Variants in ASIC2 observed in about 807,000 individuals in gnomAD.
ASIC2 encodes acid-sensing ion channel 2.
Under a neutral mutation model 57.3 loss-of-function variants are expected in ASIC2, and 25 were observed. That is an observed-to-expected ratio of 0.44 (90% CI 0.32 to 0.61). The LOEUF is 0.61. Ranked by LOEUF, ASIC2 falls within the 20% of genes least tolerant of loss-of-function variation. The probability of loss-of-function intolerance (pLI) is 0.06; values close to 1 mark genes in which losing one functional copy is unlikely to be tolerated. For synonymous variants in ASIC2, 319 were observed against 307.5 expected, an observed-to-expected ratio of 1.04 and a Z score of -0.39; for missense variants, 641 against 738.1, an observed-to-expected ratio of 0.87 and a Z score of 1.52.
chr17:33,681,694 C>G (rs1908005900), intron 1 of ASIC2, among the ~76,000 whole-genome samples: 2 of 152,226 alleles, frequency 1.3e-5, no homozygotes, highest in African/African-American at 4.8e-5. Flanking sequence ...AATTTTCCTT[C>G]ACCTGGTCGG....
At chr17:34,026,472 G>A (rs1360524466) in intron 1 of ASIC2, among the ~76,000 whole-genome samples, 1 of 152,138 alleles carries the variant, frequency 6.6e-6, no homozygotes, top group Non-Finnish European at 1.5e-5. Context: ...TAAAGTGACT[G>A]CACCATAACC....
At chr17:33,776,882 A>G (rs551172115) in intron 1 of ASIC2, among the ~76,000 whole-genome samples, 1 of 152,370 alleles carries the variant, frequency 6.6e-6, no homozygotes, top group Admixed American at 6.5e-5. Flanking sequence ...AACAATGGCC[A>G]TTGCCACTGG....
intron 1 of ASIC2, among the ~76,000 whole-genome samples, chr17:33,424,426 G>C (rs769946269): frequency 1.5e-4 from 23 of 152,124 alleles, no homozygotes; most frequent in Non-Finnish European, 2.9e-4. Flanking sequence ...GGGAGTCCGG[G>C]GAAAGCAGCT....
intron 1 of ASIC2, among the ~76,000 whole-genome samples, chr17:33,578,207 T>C (rs1200134124): frequency 1.3e-5 from 2 of 152,146 alleles, no homozygotes; most frequent in African/African-American, 4.8e-5. Flanking sequence ...ATCTCTGATT[T>C]TAGGAATGAT....
At chr17:33,559,522 T>G (rs192708625) in intron 1 of ASIC2, among the ~76,000 whole-genome samples, 3 of 152,346 alleles carry the variant, frequency 2.0e-5, no homozygotes, top group African/African-American at 7.2e-5. Context: ...CCATTGCCAT[T>G]GCCAGAAAGC....
chr17:33,452,364 T>C (rs1156924146), intron 1 of ASIC2, among the ~76,000 whole-genome samples: 1 of 152,258 alleles, frequency 6.6e-6, no homozygotes, highest in Admixed American at 6.5e-5. Flanking sequence ...TTAAATCAGA[T>C]AGCTTTGGCT....
chr17:33,239,382 T>A (rs915281920), intron 1 of ASIC2, among the ~76,000 whole-genome samples: 4 of 152,170 alleles, frequency 2.6e-5, no homozygotes, highest in African/African-American at 9.7e-5. Context: ...CCTGCTCCCA[T>A]TTCCTGCGTT....
At chr17:33,649,329 C>G (rs953435696) in intron 1 of ASIC2, among the ~76,000 whole-genome samples, 4 of 152,092 alleles carry the variant, frequency 2.6e-5, no homozygotes, top group Non-Finnish European at 5.9e-5. Flanking sequence ...AAAATAATTA[C>G]AATCTAAATA....
rs1158032703 is a variant in ASIC2 at position 33,545,815 on chromosome 17, C to A, written c.556-433748G>T. Among the ~76,000 whole-genome samples the A allele has an allele frequency of 2.0e-5, 3 of 152,156 alleles. No individual in the cohort carries two copies. The East Asian group carries it at 5.8e-4, about 29-fold the overall frequency. Reference sequence around the variant, plus strand: ...TACTTATTATTTAAAGAATAAAGTACAACCTCCTTAGCATGACATTCAATT... The same window carrying A: ...TACTTATTATTTAAAGAATAAAGTAAAACCTCCTTAGCATGACATTCAATT... On this transcript the variant is annotated intron_variant, in intron 1 of 9. Transcript: ENST00000359872.
At chr17:33,209,796 G>A (rs1965581604) in intron 1 of ASIC2, among the ~76,000 whole-genome samples, 1 of 152,196 alleles carries the variant, frequency 6.6e-6, no homozygotes, top group Non-Finnish European at 1.5e-5. Context: ...AGTGTCCTTA[G>A]ACTGAGTTTC....
chr17:33,579,550 T>C lies in ASIC2; in HGVS notation c.556-467483A>G, dbSNP rs548465843. Among the ~76,000 whole-genome samples the C allele has an allele frequency of 1.7e-4, 26 of 152,258 alleles. 1 individual carries two copies. The highest frequency in any genetic ancestry group is 6.3e-4 in the African/African-American group (26 of 41,562). On this transcript the variant is annotated intron_variant, in intron 1 of 9. Transcript: ENST00000359872. ...TTCTCGGTCTCCCTGCCTTCAAGAA[T>C]GAAAGGGCAGACCCTACTGGTGAGT...
chr17:33,071,120 C>G (rs1047673873), intron 3 of ASIC2, among the ~76,000 whole-genome samples: 1 of 151,962 alleles, frequency 6.6e-6, no homozygotes, highest in Non-Finnish European at 1.5e-5. Context: ...GTTCTTTGAA[C>G]TTTTTTATGT....
At chr17:33,311,601 G>A (rs1273916706) in intron 1 of ASIC2, among the ~76,000 whole-genome samples, 1 of 152,108 alleles carries the variant, frequency 6.6e-6, no homozygotes, top group African/African-American at 2.4e-5. Flanking sequence ...GAGACTCTAG[G>A]AGTTTGGGAG....
chr17:33,752,724 A>T lies in ASIC2; in HGVS notation c.555+403254T>A, dbSNP rs572761169. Among the ~76,000 whole-genome samples the T allele has an allele frequency of 3.3e-5, 5 of 152,336 alleles. No individual in the cohort carries two copies. The East Asian group carries it at 7.7e-4, about 24-fold the overall frequency. On this transcript the variant is annotated intron_variant, in intron 1 of 9. Coordinates refer to the ASIC2 transcript ENST00000359872. ...ATGCTCCACATCAATGTCATTAAGG[A>T]ACTGCAACTTACAACAAGAGTGAGA...
chr17:33,777,295 T>G (rs1911313195), intron 1 of ASIC2, among the ~76,000 whole-genome samples: 1 of 152,252 alleles, frequency 6.6e-6, no homozygotes, highest in Admixed American at 6.5e-5. Flanking sequence ...AAAAAGAGCA[T>G]GTGTATAAGC....
At chr17:33,202,229 C>T (rs541673424) in intron 1 of ASIC2, among the ~76,000 whole-genome samples, 12 of 152,172 alleles carry the variant, frequency 7.9e-5, no homozygotes, top group East Asian at 5.8e-4. Context: ...GGCTCCACAG[C>T]GAGCAGCGAG....
chr17:33,589,191 G>A (rs752225373), intron 1 of ASIC2, among the ~76,000 whole-genome samples: 2 of 152,200 alleles, frequency 1.3e-5, no homozygotes, highest in Non-Finnish European at 2.9e-5. Flanking sequence ...GTCTCCAGGA[G>A]CTCAGAGCTT....
At chr17:34,026,681 A>T (rs1200553605) in intron 1 of ASIC2, among the ~76,000 whole-genome samples, 1 of 152,168 alleles carries the variant, frequency 6.6e-6, no homozygotes, top group Non-Finnish European at 1.5e-5. Flanking sequence ...GCCATTTCCC[A>T]GCATTCATCA....
At chr17:33,867,585 T>A (rs1415280510) in intron 1 of ASIC2, among the ~76,000 whole-genome samples, 1 of 152,216 alleles carries the variant, frequency 6.6e-6, no homozygotes, top group Non-Finnish European at 1.5e-5. Context: ...CTATGAGGGT[T>A]ATCACAGATG....
Sources: gnomAD v4.1 joint callset for allele counts (sites outside exome capture counted in the v4.1 genomes callset) on GRCh38, gnomAD v4.1.1 for gene constraint, MANE v1.5 for transcripts, NCBI Gene and HGNC (gene_info 2026-07-23, HGNC 2026-07-21) for gene names.